The following PBX1 variants were observed in gnomAD, a reference collection of about 807,000 sequenced individuals.
PBX1 encodes the protein PBX homeobox 1.
PBX1 carries 6 observed loss-of-function variants against 53.4 expected under a neutral mutation model. The observed-to-expected ratio is 0.11, with a 90% CI of 0.06 to 0.22. The LOEUF (loss-of-function observed/expected upper bound fraction) is 0.22. Among genes scored for constraint, PBX1 ranks in the 10% least tolerant of loss-of-function variants. PBX1 has a pLI of 1.00. For missense variants in PBX1, 251 were observed against 551.4 expected, an observed-to-expected ratio of 0.46 and a Z score of 5.46; for synonymous variants, 204 against 212.3, an observed-to-expected ratio of 0.96 and a Z score of 0.34.
intron 2 of PBX1, among the ~76,000 whole-genome samples, chr1:164,707,410 TGTGTGTGTGAGAGAGA>T (rs761834941): frequency 1.8e-5 from 2 of 110,694 alleles, no homozygotes; most frequent in Non-Finnish European, 3.6e-5. Context: ...TGTGTGTGTG[TGTGTGTGTGAGAGAGA>T]GAGAGAGAGA....
Position 164,850,949 on chromosome 1 carries a change from T to C in PBX1, c.*4273T>C. 4.7e-6 allele frequency: 1 copy of C among 214,836 alleles called. No homozygotes were observed. The highest frequency in any genetic ancestry group is 9.4e-6 in the Non-Finnish European group (1 of 106,362). The allele number at this position is 214,836 out of a possible 1,614,324, so 13.3% of individuals were successfully genotyped here. A position where few individuals can be genotyped will look rare whatever the true frequency, so the allele number is the denominator to read the frequency against. On this transcript the variant is annotated 3_prime_UTR_variant, in exon 9 of 9. Transcript: ENST00000420696. ...AAAGAGGCCTTTTCTTCCAGGAGAG[T>C]CCCGCAGGAGATGCTGGTATGATGG...
chr1:164,711,792 C>T (rs371688007), intron 2 of PBX1, among the ~76,000 whole-genome samples: 2 of 152,176 alleles, frequency 1.3e-5, no homozygotes, highest in African/African-American at 4.8e-5. Context: ...GCTATAAATG[C>T]CCCATTCGTA....
At chr1:164,740,714 T>C (rs1665559184) in intron 2 of PBX1, among the ~76,000 whole-genome samples, 1 of 152,252 alleles carries the variant, frequency 6.6e-6, no homozygotes, top group Non-Finnish European at 1.5e-5. Flanking sequence ...CAGACATGTA[T>C]AGACATTATC....
chr1:164,671,033 A>G (rs1661083935), intron 2 of PBX1, among the ~76,000 whole-genome samples: 1 of 152,186 alleles, frequency 6.6e-6, no homozygotes, highest in South Asian at 2.1e-4. Flanking sequence ...AAGACATTTA[A>G]TGATGTGGTG....
chr1:164,670,979 T>A (rs980782022), intron 2 of PBX1, among the ~76,000 whole-genome samples: 1 of 152,196 alleles, frequency 6.6e-6, no homozygotes, highest in Non-Finnish European at 1.5e-5. Context: ...TTCTTCCCTA[T>A]CAGCCAGTGA....
At chr1:164,717,149 G>T (rs1664147814) in intron 2 of PBX1, among the ~76,000 whole-genome samples, 1 of 152,164 alleles carries the variant, frequency 6.6e-6, no homozygotes, top group Admixed American at 6.5e-5. Flanking sequence ...TAAAGGAAGT[G>T]ATACTGGTTA....
chr1:164,838,614 C>T (rs1238696861), intron 8 of PBX1, among the ~76,000 whole-genome samples: 1 of 152,126 alleles, frequency 6.6e-6, no homozygotes, highest in African/African-American at 2.4e-5. Context: ...ATTGAAATGT[C>T]CAAAAAGCAG....
chr1:164,649,365 A>G (rs574398807), intron 2 of PBX1, among the ~76,000 whole-genome samples: 3 of 152,316 alleles, frequency 2.0e-5, no homozygotes, highest in African/African-American at 7.2e-5. Context: ...TTCATGCCAT[A>G]TAGGGAAGGA....
At position 164,812,142 on chromosome 1, in the gene PBX1, C is replaced by T. The variant is rs1669642089; in HGVS notation, c.990C>T (p.Asn330=). Residue 330 remains asparagine (N), a synonymous_variant, in exon 6 of 9, where the codon AAC becomes AAT. Transcript: ENST00000420696. ...AAGCTAACTCGCCCTCAACTCCCAA[C>T]TCGGCTGGTTAGTTTTTTCTTTGAT... is the stretch of plus-strand genomic sequence containing the variant. ...GSQANSPSTP[N]SAGSSSSFNM... is the part of the protein sequence containing the mutation. The T allele has an allele frequency of 6.2e-7, 1 of 1,608,562 alleles. No individual in the cohort carries two copies. Among genetic ancestry groups the T allele is most frequent in the Non-Finnish European group, 8.5e-7 (1 of 1,176,996 alleles).
chr1:164,625,441 G>A (rs551923527), intron 2 of PBX1, among the ~76,000 whole-genome samples: 2 of 152,076 alleles, frequency 1.3e-5, no homozygotes, highest in African/African-American at 4.8e-5. Context: ...CTCTTTCCCC[G>A]TACATTTTTA....
At chr1:164,787,329 G>T (rs1279083018) in intron 2 of PBX1, among the ~76,000 whole-genome samples, 2 of 152,058 alleles carry the variant, frequency 1.3e-5, no homozygotes, top group African/African-American at 4.8e-5. Context: ...CTGGACTGTT[G>T]TCCAAATCTG....
chr1:164,871,201 A>G (rs544814152), intron 2 of PBX1, among the ~76,000 whole-genome samples: 1 of 152,324 alleles, frequency 6.6e-6, no homozygotes, highest in South Asian at 2.1e-4. Flanking sequence ...GTAAGGTTAC[A>G]AAAATTGTAA....
At chr1:164,706,404 G>T (rs1286961397) in intron 2 of PBX1, among the ~76,000 whole-genome samples, 1 of 152,168 alleles carries the variant, frequency 6.6e-6, no homozygotes, top group Admixed American at 6.5e-5. Context: ...AGTGGAGTCT[G>T]GCTAGGATAT....
intron 2 of PBX1, among the ~76,000 whole-genome samples, chr1:164,687,561 TAAAA>T (rs5778407): frequency 7.2e-5 from 8 of 110,474 alleles, no homozygotes; most frequent in South Asian, 6.6e-4. Context: ...AGACCTTGTC[TAAAA>T]AAAAAAAAAA....
At chr1:164,831,979 T>C (rs1474711154) in intron 8 of PBX1, among the ~76,000 whole-genome samples, 1 of 152,244 alleles carries the variant, frequency 6.6e-6, no homozygotes, top group Non-Finnish European at 1.5e-5. Flanking sequence ...TAAAGGCTTG[T>C]ATTCAACTTA....
intron 2 of PBX1, among the ~76,000 whole-genome samples, chr1:164,780,322 C>T (rs1023886748): frequency 6.6e-6 from 1 of 152,130 alleles, no homozygotes. Flanking sequence ...GGATGTTTGC[C>T]GCAGATGCTA....
intron 2 of PBX1, among the ~76,000 whole-genome samples, chr1:164,729,627 G>A (rs1664879436): frequency 1.3e-5 from 2 of 152,048 alleles, no homozygotes; most frequent in South Asian, 4.1e-4. Context: ...AGATATGGTA[G>A]GTATATTATT....
chr1:164,654,189 A>G (rs1264790616), intron 2 of PBX1, among the ~76,000 whole-genome samples: 1 of 152,118 alleles, frequency 6.6e-6, no homozygotes, highest in Non-Finnish European at 1.5e-5. Context: ...AAACTTTGTC[A>G]CTCCACTAAG....
chr1:164,709,528 A>G (rs1334341678), intron 2 of PBX1, among the ~76,000 whole-genome samples: 2 of 152,100 alleles, frequency 1.3e-5, no homozygotes, highest in Non-Finnish European at 1.5e-5. Flanking sequence ...CTCGGGAAAG[A>G]CCACTGTAAC....
Sources: allele counts gnomAD v4.1 joint callset (sites outside exome capture counted in the v4.1 genomes callset), GRCh38; gene constraint gnomAD v4.1.1; transcripts MANE v1.5; gene names NCBI Gene and HGNC (gene_info 2026-07-23, HGNC 2026-07-21).